The following EHD2 variants were observed in gnomAD, a reference collection of about 807,000 sequenced individuals.
EHD2 encodes the protein EH domain-containing protein 2.
In EHD2, 27 loss-of-function variants were observed where a neutral mutation model predicts 41.0. That is an observed-to-expected ratio of 0.66 (90% confidence interval 0.49 to 0.91). The LOEUF (loss-of-function observed/expected upper bound fraction) is 0.91, where lower values mean the gene tolerates loss of function less well. Ranked by LOEUF, EHD2 falls within the 40% of genes least tolerant of loss-of-function variation. The pLI, the probability that EHD2 is intolerant of heterozygous loss-of-function variation, is 0.00. For synonymous variants in EHD2, 342 were observed against 341.0 expected, an observed-to-expected ratio of 1.00 and a Z score of -0.03; for missense variants, 673 against 773.9, an observed-to-expected ratio of 0.87 and a Z score of 1.55.
At chr19:47,738,226 A>G (rs1006998578) in intron 5 of EHD2, among the ~76,000 whole-genome samples, 1 of 152,022 alleles carries the variant, frequency 6.6e-6, no homozygotes, top group African/African-American at 2.4e-5. Context: ...ACGTTCTACA[A>G]TGATGGAAAT....
At chr19:47,736,221 G>C in intron 4 of EHD2, 148 bp from the exon 5 acceptor site, 1 of 692,636 alleles carries the variant, frequency 1.4e-6, no homozygotes, top group Non-Finnish European at 2.2e-6. Flanking sequence ...GAGAGAGAGA[G>C]AGAAAAAGAA....
chr19:47,735,494 A>G (rs752804620), intron 4 of EHD2, among the ~76,000 whole-genome samples: 3 of 152,096 alleles, frequency 2.0e-5, no homozygotes, highest in Non-Finnish European at 4.4e-5. Context: ...GCTACTTGAG[A>G]GGCTGAGGCG....
In EHD2 at chr19:47,741,919, A is replaced by G. The variant is rs1423677093; in HGVS notation, c.*487A>G. 2.2e-6 allele frequency: 1 copy of G among 457,066 alleles called. No individual in the cohort carries two copies. Among genetic ancestry groups the G allele is most frequent in the African/African-American group, 2.0e-5 (1 of 50,122 alleles). The allele number at this position is 457,066 out of a possible 1,614,324, so 28.3% of individuals were successfully genotyped here. A position where few individuals can be genotyped will look rare whatever the true frequency, so the allele number is the denominator to read the frequency against. ...CTGGCTGAGCAGCCCTGTGGCTGAA[A>G]TGACTAGCAGATAAACAGACCCCCT... On this transcript the variant is annotated 3_prime_UTR_variant, in exon 6 of 6. Coordinates refer to ENST00000263277, the MANE Select transcript of EHD2 (RefSeq NM_014601.4). The surrounding 1 kb of genome is among the most constrained non-coding windows in gnomAD (Gnocchi z 4.5).
rs574167865 is a variant in EHD2, at chr19:47,727,265, C to T, written c.915+1041C>T. The stretch of plus-strand genomic sequence containing the variant: ...GATTACAGGCATTCACCACCATGCC[C>T]GGCTAATTGTGTATTTTTAGTAGAG... On this transcript the variant is annotated intron_variant, in intron 4 of 5. Transcript: ENST00000263277. 1.6e-3 allele frequency among the ~76,000 whole-genome samples: 250 copies of T among 151,890 alleles called. 1 individual carries two copies. Among genetic ancestry groups the T allele is most frequent in the African/African-American group, 5.5e-3 (229 of 41,456 alleles).
At chr19:47,717,994 C>T (rs1024517661) in intron 2 of EHD2, among the ~76,000 whole-genome samples, 6 of 150,288 alleles carry the variant, frequency 4.0e-5, no homozygotes, top group African/African-American at 7.3e-5. Context: ...ACCTGGTGGC[C>T]GGGCGCAGTG....
chr19:47,715,239 C>A (rs946760416), intron 1 of EHD2, among the ~76,000 whole-genome samples: 12 of 152,016 alleles, frequency 7.9e-5, no homozygotes, highest in African/African-American at 2.7e-4. Flanking sequence ...TGGGTGCACC[C>A]AGGCAACCTT....
chr19:47,733,965 T>C (rs1966896440), intron 4 of EHD2, among the ~76,000 whole-genome samples: 1 of 152,186 alleles, frequency 6.6e-6, no homozygotes, highest in Admixed American at 6.6e-5. Context: ...ATTTTGAACT[T>C]CAATAAGCAA....
At chr19:47,728,574 T>TC (rs200477574) in intron 4 of EHD2, among the ~76,000 whole-genome samples, 6 of 148,536 alleles carry the variant, frequency 4.0e-5, no homozygotes, top group Non-Finnish European at 7.5e-5. Flanking sequence ...TTTCTTTCTT[T>TC]TTTTTTTTTT....
At chr19:47,728,349 C>T (rs1359399834) in intron 4 of EHD2, among the ~76,000 whole-genome samples, 1 of 151,978 alleles carries the variant, frequency 6.6e-6, no homozygotes, top group Non-Finnish European at 1.5e-5. Flanking sequence ...ATCCACAAGG[C>T]TCACTCCCTC....
chr19:47,726,697 G>C (rs961212278), intron 4 of EHD2, among the ~76,000 whole-genome samples: 2 of 151,180 alleles, frequency 1.3e-5, no homozygotes, highest in African/African-American at 4.9e-5. Flanking sequence ...TTTTTTAAGA[G>C]ATGGAGTCTC....
At chr19:47,725,235 A>G (rs1361793832) in intron 3 of EHD2, among the ~76,000 whole-genome samples, 3 of 151,688 alleles carry the variant, frequency 2.0e-5, no homozygotes, top group African/African-American at 7.3e-5. Flanking sequence ...ATAACTGCTT[A>G]ATGAATGAGC....
rs192799934 is a variant in EHD2 at position 47,720,256 on chromosome 19, C to T, written c.502+1650C>T. Among the ~76,000 whole-genome samples, 66 of 152,106 alleles carry T rather than the reference C, an allele frequency of 4.3e-4. 1 individual carries two copies. In the East Asian group the frequency reaches 0.011, roughly 26 times the overall value. On this transcript the variant is annotated intron_variant, in intron 3 of 5. Coordinates refer to ENST00000263277, the MANE Select transcript of EHD2 (RefSeq NM_014601.4). ...TCGGCTCACTGCAACCTTTGCCTCCCGAGTTCAAGTGGCTCTGCTGCCTCA... is the reference window on the plus strand; with the variant it reads ...TCGGCTCACTGCAACCTTTGCCTCCTGAGTTCAAGTGGCTCTGCTGCCTCA...
chr19:47,718,671 G>A, intron 3 of EHD2, 65 bp downstream of exon 3: 1 of 1,416,896 alleles, frequency 7.1e-7, no homozygotes, highest in Non-Finnish European at 9.6e-7. Flanking sequence ...CTGGGTCTGA[G>A]GGAGGAGGGA....
intron 2 of EHD2, 142 bp downstream of exon 2, chr19:47,717,158 C>T: frequency 3.7e-6 from 4 of 1,082,712 alleles, no homozygotes. Flanking sequence ...AGCAATTCTC[C>T]TGCCTCAGCC....
In EHD2 at chr19:47,719,892, T is replaced by C. The variant is rs1973676552; in HGVS notation, c.502+1286T>C. Among the ~76,000 whole-genome samples the C allele has an allele frequency of 6.6e-6, 1 of 151,710 alleles. No individual in the cohort carries two copies. Among genetic ancestry groups the C allele is most frequent in the African/African-American group, 2.4e-5 (1 of 41,204 alleles). ...GAGTGGGGAACGGGGTCTCCCTCCC[T>C]GGCCTTGAGGATAGAGGAAGAGGAG... On this transcript the variant is annotated intron_variant, in intron 3 of 5. Transcript: ENST00000263277. This position sits in a 1 kb window ranked among gnomAD's most constrained non-coding sequence, Gnocchi z 4.1.
rs755568627 is a variant in EHD2, at chr19:47,740,949, C to T, written c.1149C>T (p.Asp383=). Residue 383 remains aspartate (D), a synonymous_variant, in exon 6 of 6, where the codon GAC becomes GAT. Transcript: ENST00000263277. ...AGCCGAAGCTGCTAGAGGCACTGGACGAGATGCTGACGCACGACATCGCCA... is the reference window on the plus strand; with the variant it reads ...AGCCGAAGCTGCTAGAGGCACTGGATGAGATGCTGACGCACGACATCGCCA... ...SLKPKLLEAL[D]EMLTHDIAKL... The T allele has an allele frequency of 4.3e-6, 7 of 1,612,868 alleles. No homozygotes were observed. Among genetic ancestry groups the T allele is most frequent in the East Asian group, 4.5e-5 (2 of 44,864 alleles).
chr19:47,730,875 C>T (rs1385990827), intron 4 of EHD2, among the ~76,000 whole-genome samples: 7 of 152,130 alleles, frequency 4.6e-5, no homozygotes, highest in Non-Finnish European at 1.0e-4. Context: ...TGTGGTACTC[C>T]TCTAGGCTCT....
chr19:47,739,093 C>A (rs1966956444), intron 5 of EHD2, among the ~76,000 whole-genome samples: 1 of 151,602 alleles, frequency 6.6e-6, no homozygotes, highest in South Asian at 2.1e-4. Context: ...TTTTTTCTCT[C>A]CCCCCCTGCA....
At chr19:47,728,858 C>T (rs6509338) in intron 4 of EHD2, among the ~76,000 whole-genome samples, 52,266 of 152,014 alleles carry the variant, frequency 0.34, 9,097 homozygotes, top group Middle Eastern at 0.52. Flanking sequence ...GCGTAAGCCA[C>T]CACACCCAGC....
Sources: gnomAD v4.1 joint callset for allele counts (sites outside exome capture counted in the v4.1 genomes callset) on GRCh38, gnomAD v4.1.1 for gene constraint, Gnocchi (gnomAD v3.1) non-coding constraint, MANE v1.5 for transcripts, NCBI Gene and HGNC (gene_info 2026-07-23, HGNC 2026-07-21) for gene names.